Variants in AASS observed in about 807,000 individuals in gnomAD.
The protein encoded by AASS is alpha-aminoadipic semialdehyde synthase, mitochondrial.
AASS carries 86 observed loss-of-function variants against 105.4 expected under a neutral mutation model. That is an observed-to-expected ratio of 0.82 (90% confidence interval 0.69 to 0.98). The LOEUF is 0.98. Ranked by LOEUF, AASS falls within the 50% of genes least tolerant of loss-of-function variation. The pLI is 0.00. For synonymous variants in AASS, 381 were observed against 394.8 expected, an observed-to-expected ratio of 0.96 and a Z score of 0.41; for missense variants, 1,048 against 1,143.2, an observed-to-expected ratio of 0.92 and a Z score of 1.20.
rs1011800637 is a variant in AASS at position 122,114,650 on chromosome 7, G to A, written c.1043+424C>T. ...ACAAAAAACAGAGTAACAGACTAGA[G>A]ATAGAGATGAGAATGGAGAAACAAG... On this transcript the variant is annotated intron_variant, in intron 9 of 23. Transcript: ENST00000417368. Among the ~76,000 whole-genome samples, 3 of 152,138 alleles carry A rather than the reference G, an allele frequency of 2.0e-5. No individual in the cohort carries two copies. In the South Asian group the frequency reaches 6.2e-4, roughly 32 times the overall value.
In AASS at chr7:122,074,071, T is replaced by A. The variant is rs1055324090; in HGVS notation, c.*2418A>T. Among the ~76,000 whole-genome samples the A allele has an allele frequency of 2.0e-5, 3 of 152,206 alleles. No individual in the cohort carries two copies. Among genetic ancestry groups the A allele is most frequent in the African/African-American group, 7.2e-5 (3 of 41,446 alleles). ...CACAAGTTTTTGTGTAGACATTTGTTTTTATATCACGTGGGTATCCACCAA... is the reference window on the plus strand; with the variant it reads ...CACAAGTTTTTGTGTAGACATTTGTATTTATATCACGTGGGTATCCACCAA... On this transcript the variant is annotated 3_prime_UTR_variant, in exon 24 of 24. Transcript: ENST00000417368.
chr7:122,134,095 A>G (rs538644903), intron 1 of AASS, among the ~76,000 whole-genome samples: 1 of 152,182 alleles, frequency 6.6e-6, no homozygotes, highest in South Asian at 2.1e-4. Context: ...AATAAAGAGC[A>G]AGACTTTCAG....
At chr7:122,107,086 A>G (rs886987696) in intron 11 of AASS, among the ~76,000 whole-genome samples, 1 of 152,218 alleles carries the variant, frequency 6.6e-6, no homozygotes, top group African/African-American at 2.4e-5. Flanking sequence ...GGACATGAAC[A>G]GACACTTTTC....
At chr7:122,090,553 A>G (rs1793848277) in intron 18 of AASS, among the ~76,000 whole-genome samples, 1 of 152,130 alleles carries the variant, frequency 6.6e-6, no homozygotes, top group South Asian at 2.1e-4. Flanking sequence ...AAATACCTTG[A>G]CAATGTAAAA....
Position 122,074,808 on chromosome 7 carries a change from C to T in AASS, c.*1681G>A, listed in dbSNP as rs117901752. 0.014 allele frequency among the ~76,000 whole-genome samples: 2,062 copies of T among 152,162 alleles called. 18 individuals are homozygous for T. Among genetic ancestry groups the T allele is most frequent in the Middle Eastern group, 0.027 (8 of 294 alleles). ...GATAAATGTGATCAATATTTCTGGA[C>T]CCTCAATTATATTGGTATTTTACTC... On this transcript the variant is annotated 3_prime_UTR_variant, in exon 24 of 24. Transcript: ENST00000417368.
Position 122,126,467 on chromosome 7 carries a change from G to A in AASS, c.388-8C>T. 6.2e-7 allele frequency: 1 copy of A among 1,612,908 alleles called. No individual in the cohort carries two copies. Among genetic ancestry groups the A allele is most frequent in the Non-Finnish European group, 8.5e-7 (1 of 1,179,064 alleles). Reference sequence around the variant, plus strand: ...ATCAATAAGGCGAATTTCCTGAAAAGAGGATAAAAAAATTTCAACTGGACC... The same window carrying A: ...ATCAATAAGGCGAATTTCCTGAAAAAAGGATAAAAAAATTTCAACTGGACC... On this transcript the variant is annotated splice_polypyrimidine_tract_variant and splice_region_variant and intron_variant, in intron 3 of 23. Transcript: ENST00000417368.
At chr7:122,138,085 A>T (rs896942700) in intron 1 of AASS, among the ~76,000 whole-genome samples, 1 of 152,248 alleles carries the variant, frequency 6.6e-6, no homozygotes, top group African/African-American at 2.4e-5. Context: ...CCTTTGTTAC[A>T]TGAAGGTTAA....
chr7:122,081,432 T>C, intron 20 of AASS, 68 bp downstream of exon 20: 2 of 1,234,076 alleles, frequency 1.6e-6, no homozygotes, highest in South Asian at 1.2e-5. Context: ...AAAGCAGAGT[T>C]CACCCCCGAC....
intron 15 of AASS, among the ~76,000 whole-genome samples, chr7:122,096,410 A>G (rs140331382): frequency 6.6e-6 from 1 of 152,146 alleles, no homozygotes; most frequent in East Asian, 1.9e-4. Flanking sequence ...AGGCAAGTAG[A>G]TTGCTTGAGG....
rs1035278786 is a variant in AASS, at chr7:122,116,630, C to A, written c.894+3G>T. On this transcript the variant is annotated splice_donor_region_variant and intron_variant, in intron 8 of 23. Transcript: ENST00000417368. ...CAACTTAAAAGGTGAATATGATACT[C>A]ACATCAGTATTAAAACGACTTATGT... 8.1e-6 allele frequency: 13 copies of A among 1,613,850 alleles called. No individual in the cohort carries two copies. The highest frequency in any genetic ancestry group is 1.1e-5 in the Non-Finnish European group (13 of 1,179,950).
At chr7:122,108,095 T>C (rs1794754606) in intron 11 of AASS, among the ~76,000 whole-genome samples, 1 of 151,626 alleles carries the variant, frequency 6.6e-6, no homozygotes, top group African/African-American at 2.4e-5. Context: ...CCTGGACACA[T>C]ACAACCTACC....
At chr7:122,118,068 C>T (rs991806488) in intron 6 of AASS, among the ~76,000 whole-genome samples, 4 of 152,050 alleles carry the variant, frequency 2.6e-5, no homozygotes, top group African/African-American at 7.2e-5. Context: ...TAGATATACA[C>T]ACACATATAC....
chr7:122,078,150 C>A, intron 22 of AASS, 136 bp from the exon 23 acceptor site: 1 of 830,702 alleles, frequency 1.2e-6, no homozygotes, highest in East Asian at 2.5e-5. Flanking sequence ...ATTTACACAG[C>A]TTTTTAGCCC....
rs1487818304 is a variant in AASS, at chr7:122,118,347, G to T, written c.647C>A (p.Pro216His). 8 of 1,614,008 alleles carry T rather than the reference G, an allele frequency of 5.0e-6. No individual in the cohort carries two copies. Among genetic ancestry groups the T allele is most frequent in the Non-Finnish European group, 6.8e-6 (8 of 1,179,996 alleles). ...SLGLMPKSIGPLTFVFTGTGN... is the reference protein window; with the variant it reads ...SLGLMPKSIGHLTFVFTGTGN... ...AGTTCCTGTGAACACAAATGTTAAG[G>T]GTCCTATTGACTTAGGCATCAAACC... Residue 216 changes from proline (P) to histidine (H), a missense_variant, in exon 6 of 24, where the codon CCC (proline) becomes CAC (histidine). Physicochemically the swap from Pro to His is moderately conservative, Grantham distance 77. Transcript: ENST00000417368.
chr7:122,100,141 A>C (rs1794357435), intron 13 of AASS, among the ~76,000 whole-genome samples: 1 of 151,882 alleles, frequency 6.6e-6, no homozygotes, highest in Non-Finnish European at 1.5e-5. Context: ...AACCTTTGTT[A>C]TCAGTATCTT....
chr7:122,116,659 G>A lies in AASS; in HGVS notation c.868C>T (p.Arg290Cys), dbSNP rs772963588. ...DPAEYDKHPE[R>C]YISRFNTDIA... ...TCAGTATTAAAACGACTTATGTAGC[G>A]CTCCGGATGTTTGTCATACTCTGCA... Residue 290 changes from arginine to cysteine, a missense_variant, in exon 8 of 24, where the codon CGC (arginine) becomes TGC (cysteine). By Grantham distance (180) the Arg-to-Cys change is radical. Coordinates refer to ENST00000417368, the MANE Select transcript of AASS (RefSeq NM_005763.4). 8.1e-5 allele frequency: 131 copies of A among 1,613,890 alleles called. No individual in the cohort carries two copies. Among genetic ancestry groups the A allele is most frequent in the South Asian group, 4.8e-4 (44 of 91,080 alleles).
chr7:122,117,367 C>A (rs1464091396), intron 6 of AASS, among the ~76,000 whole-genome samples: 3 of 152,184 alleles, frequency 2.0e-5, no homozygotes, highest in African/African-American at 7.2e-5. Context: ...AAAATATTTT[C>A]TTTGAAGCAG....
intron 11 of AASS, among the ~76,000 whole-genome samples, chr7:122,106,544 G>C (rs942763332): frequency 6.6e-6 from 1 of 151,744 alleles, no homozygotes; most frequent in African/African-American, 2.4e-5. Flanking sequence ...CATAAGACTC[G>C]TACAAAACCA....
chr7:122,120,716 C>T (rs562350346), intron 4 of AASS, among the ~76,000 whole-genome samples: 1 of 151,956 alleles, frequency 6.6e-6, no homozygotes, highest in African/African-American at 2.4e-5. Context: ...CTAATTGCTA[C>T]TTTATACCCC....
Sources: gnomAD v4.1 joint callset for allele counts (sites outside exome capture counted in the v4.1 genomes callset) on GRCh38, gnomAD v4.1.1 for gene constraint, MANE v1.5 for transcripts, NCBI Gene and HGNC (gene_info 2026-07-23, HGNC 2026-07-21) for gene names.